TRAPPC9: variants seen among roughly 807,000 people sequenced by gnomAD.
The protein encoded by TRAPPC9 is trafficking protein particle complex subunit 9, also known as IKK2 binding protein.
A neutral mutation model predicts 124.0 loss-of-function variants in TRAPPC9; 83 were observed. That is an observed-to-expected ratio of 0.67 (90% CI 0.56 to 0.80). The LOEUF (loss-of-function observed/expected upper bound fraction) is 0.80, where lower values mean the gene tolerates loss of function less well. Among genes scored for constraint, TRAPPC9 ranks in the 30% least tolerant of loss-of-function variants. The pLI is 0.00. For missense variants in TRAPPC9, 1,302 were observed against 1,508.3 expected (o/e 0.86, Z 2.27); for synonymous variants, 638 against 617.5 (o/e 1.03, Z -0.49).
intron 5 of TRAPPC9, among the ~76,000 whole-genome samples, chr8:140,407,421 G>A (rs35924108): frequency 0.029 from 4,329 of 151,246 alleles, 210 homozygotes; most frequent in African/African-American, 0.095. Flanking sequence ...TGGAGAAATG[G>A]TGGGGGGGGG....
chr8:139,733,136 C>A (rs181414844), intron 21 of TRAPPC9, among the ~76,000 whole-genome samples: 1 of 152,098 alleles, frequency 6.6e-6, no homozygotes. Context: ...AGTGAAAGGT[C>A]CCGATAGGAG....
intron 21 of TRAPPC9, among the ~76,000 whole-genome samples, chr8:139,880,606 C>T (rs970771694): frequency 5.3e-5 from 8 of 152,194 alleles, no homozygotes; most frequent in Admixed American, 3.9e-4. Flanking sequence ...CCAACAGTGC[C>T]CACGTCACAA....
chr8:139,783,714 T>C (rs907257501), intron 21 of TRAPPC9, among the ~76,000 whole-genome samples: 4 of 152,144 alleles, frequency 2.6e-5, no homozygotes, highest in Non-Finnish European at 5.9e-5. Context: ...ACTACAAATA[T>C]CCCTTATAAA....
chr8:139,849,640 G>A (rs758626403), intron 21 of TRAPPC9, among the ~76,000 whole-genome samples: 3 of 152,218 alleles, frequency 2.0e-5, no homozygotes. Context: ...TATGGTGTGT[G>A]GACACTGTTG....
chr8:139,847,358 G>A (rs1432850938), intron 21 of TRAPPC9, among the ~76,000 whole-genome samples: 1 of 152,234 alleles, frequency 6.6e-6, no homozygotes, highest in African/African-American at 2.4e-5. Flanking sequence ...TGGAATCAAT[G>A]CAATTAATTC....
intron 21 of TRAPPC9, among the ~76,000 whole-genome samples, chr8:139,760,944 A>G (rs1406177812): frequency 6.6e-6 from 1 of 152,218 alleles, no homozygotes; most frequent in African/African-American, 2.4e-5. Context: ...AAACCATATC[A>G]GATGGGGTGG....
intron 21 of TRAPPC9, among the ~76,000 whole-genome samples, chr8:139,816,962 T>C (rs1824879620): frequency 6.6e-6 from 1 of 152,052 alleles, no homozygotes; most frequent in African/African-American, 2.4e-5. Flanking sequence ...ATGATATGCA[T>C]TTAAGTGTAT....
chr8:140,190,304 A>C (rs56869229), intron 17 of TRAPPC9, among the ~76,000 whole-genome samples: 27,616 of 151,826 alleles, frequency 0.18, 3,269 homozygotes, highest in East Asian at 0.63. Flanking sequence ...AAAAATACAA[A>C]AAAATTAGCC....
chr8:140,389,107 G>A (rs1274341061), intron 7 of TRAPPC9, among the ~76,000 whole-genome samples: 4 of 151,562 alleles, frequency 2.6e-5, no homozygotes, highest in Admixed American at 1.3e-4. Context: ...ACAGGCATGC[G>A]CTACTATGCC....
chr8:140,450,714 G>T, intron 2 of TRAPPC9, 76 bp downstream of exon 2: 1 of 1,124,626 alleles, frequency 8.9e-7, no homozygotes, highest in Non-Finnish European at 1.3e-6. Flanking sequence ...ACTCCTTGCT[G>T]CAATGAAATT....
intron 21 of TRAPPC9, among the ~76,000 whole-genome samples, chr8:139,812,695 C>T (rs1353494987): frequency 6.6e-6 from 1 of 152,066 alleles, no homozygotes; most frequent in Non-Finnish European, 1.5e-5. Flanking sequence ...ACCAGAGACT[C>T]CTATATAAAT....
In TRAPPC9 at chr8:139,899,353, T is replaced by C. The variant is rs1262378779; in HGVS notation, c.2964+10794A>G. Among the ~76,000 whole-genome samples, 5 of 152,274 alleles carry C rather than the reference T, an allele frequency of 3.3e-5. No individual in the cohort carries two copies. In the South Asian group the frequency reaches 8.3e-4, roughly 25 times the overall value. ...CACGTATTTTGCATGTTATATGTAT[T>C]ACATACTATATTATTACAATAAAGT... On this transcript the variant is annotated intron_variant, in intron 20 of 22. Coordinates refer to ENST00000438773, the MANE Select transcript of TRAPPC9 (RefSeq NM_001160372.4).
rs1429743561 is a variant in TRAPPC9 at position 140,241,299 on chromosome 8, GAATCACTTGAACCCAGGA to G, written c.2431+11460_2431+11477del. Among the ~76,000 whole-genome samples the G allele has an allele frequency of 6.6e-6, 1 of 151,414 alleles. No individual in the cohort carries two copies. The highest frequency in any genetic ancestry group is 1.5e-5 in the Non-Finnish European group (1 of 67,908). ...CTGTAATCCCAGCTACTAGGGAGGAGAATCACTTGAACCCAGGAGATCACTTGAACCCAGGAAGTTGTA... is the reference window on the plus strand; with the variant it reads ...CTGTAATCCCAGCTACTAGGGAGGAGGATCACTTGAACCCAGGAAGTTGTA... On this transcript the variant is annotated intron_variant, in intron 16 of 22. Transcript: ENST00000438773. This position sits in a 1 kb window ranked among gnomAD's most constrained non-coding sequence, Gnocchi z 5.0.
At chr8:139,941,991 G>C (rs1833947471) in intron 19 of TRAPPC9, among the ~76,000 whole-genome samples, 1 of 152,196 alleles carries the variant, frequency 6.6e-6, no homozygotes, top group Admixed American at 6.5e-5. Context: ...ACAGGCTCCA[G>C]AAGCAAACCC....
intron 3 of TRAPPC9, 131 bp from the exon 4 acceptor site, chr8:140,435,371 T>A: frequency 7.8e-7 from 1 of 1,289,904 alleles, no homozygotes; most frequent in Non-Finnish European, 1.1e-6. Context: ...GTGGATTATT[T>A]GGAAATGCCA....
chr8:139,887,034 G>A (rs937947948), intron 20 of TRAPPC9, among the ~76,000 whole-genome samples: 4 of 152,018 alleles, frequency 2.6e-5, no homozygotes, highest in Non-Finnish European at 4.4e-5. Flanking sequence ...TCAGCAGAGC[G>A]GGCATATCCC....
At chr8:140,432,567 C>T (rs772441196) in intron 4 of TRAPPC9, among the ~76,000 whole-genome samples, 7 of 152,096 alleles carry the variant, frequency 4.6e-5, no homozygotes, top group Non-Finnish European at 1.0e-4. Context: ...CTATACCAAC[C>T]CTATAATCAT....
chr8:139,893,621 C>T (rs762671182), intron 20 of TRAPPC9, among the ~76,000 whole-genome samples: 17 of 152,248 alleles, frequency 1.1e-4, no homozygotes, highest in South Asian at 2.1e-4. Flanking sequence ...GGCAAGTCTG[C>T]ATGAATGTAG....
At chr8:140,057,245 A>G (rs1842339975) in intron 17 of TRAPPC9, among the ~76,000 whole-genome samples, 1 of 152,212 alleles carries the variant, frequency 6.6e-6, no homozygotes, top group South Asian at 2.1e-4. Context: ...GTGGGAATGG[A>G]AAAAGGTACA....
Sources: allele counts gnomAD v4.1 joint callset (sites outside exome capture counted in the v4.1 genomes callset), GRCh38; gene constraint gnomAD v4.1.1; non-coding constraint Gnocchi (gnomAD v3.1); transcripts MANE v1.5; gene names NCBI Gene and HGNC (gene_info 2026-07-23, HGNC 2026-07-21).